TENM2: variants seen among roughly 807,000 people sequenced by gnomAD.
TENM2 encodes the protein teneurin-2.
In TENM2, 52 loss-of-function variants were observed where a neutral mutation model predicts 245.2. The observed-to-expected ratio is 0.21, with a 90% CI of 0.17 to 0.27. The LOEUF is 0.27. Among genes scored for constraint, TENM2 ranks in the 10% least tolerant of loss-of-function variants. The probability of loss-of-function intolerance (pLI) is 1.00; values close to 1 mark genes in which losing one functional copy is unlikely to be tolerated. For missense variants in TENM2, 3,046 were observed against 3,666.8 expected (o/e 0.83, Z 4.37); for synonymous variants, 1,363 against 1,438.9 (o/e 0.95, Z 1.19).
At chr5:167,375,557 G>A in intron 2 of TENM2, 84 bp downstream of exon 4, 3 of 1,384,752 alleles carry the variant, frequency 2.2e-6, no homozygotes, top group Non-Finnish European at 3.0e-6. Flanking sequence ...TTAATGAAGC[G>A]GCGTCATAAA....
intron 9 of TENM2, among the ~76,000 whole-genome samples, chr5:168,110,039 C>CTTTTTT (rs5873091): frequency 8.2e-6 from 1 of 121,896 alleles, no homozygotes; most frequent in East Asian, 2.4e-4. Context: ...AAGAACCCTT[C>CTTTTTT]TTTTTTTTTT....
At chr5:168,200,477 T>C (rs1266371944) in intron 17 of TENM2, among the ~76,000 whole-genome samples, 1 of 152,088 alleles carries the variant, frequency 6.6e-6, no homozygotes, top group Non-Finnish European at 1.5e-5. Context: ...AGGAACCACA[T>C]GAAAATCAGA....
At chr5:167,739,158 T>G (rs1406928870) in intron 2 of TENM2, among the ~76,000 whole-genome samples, 1 of 152,222 alleles carries the variant, frequency 6.6e-6, no homozygotes. Flanking sequence ...AGGGTGGCTT[T>G]GCAGTCTGCA....
chr5:168,124,321 C>A lies in TENM2; in HGVS notation c.2009-529C>A, dbSNP rs562337176. Among the ~76,000 whole-genome samples the A allele has an allele frequency of 3.3e-5, 5 of 152,324 alleles. No individual in the cohort carries two copies. The South Asian group carries it at 1.0e-3, about 32-fold the overall frequency. On this transcript the variant is annotated intron_variant, in intron 10 of 28. Transcript: ENST00000518659. ...TTTAGACTTAGCCTAAGTGAAACCTCATTAGGAAAGTGACTCATAAGTTTC... is the reference window on the plus strand; with the variant it reads ...TTTAGACTTAGCCTAAGTGAAACCTAATTAGGAAAGTGACTCATAAGTTTC...
chr5:168,024,491 A>G (rs1042565316), intron 5 of TENM2, among the ~76,000 whole-genome samples: 1 of 152,220 alleles, frequency 6.6e-6, no homozygotes, highest in Non-Finnish European at 1.5e-5. Context: ...GCAGCAGGTA[A>G]TGTCACAGCA....
At chr5:167,755,207 T>A in intron 2 of TENM2, 1 of 1,591,260 alleles carries the variant, frequency 6.3e-7, no homozygotes, top group African/African-American at 1.3e-5. Context: ...GGATGATGGA[T>A]GTGCATGCAG....
chr5:167,720,509 C>A (rs1561704477), intron 2 of TENM2, among the ~76,000 whole-genome samples: 1 of 152,176 alleles, frequency 6.6e-6, no homozygotes, highest in Non-Finnish European at 1.5e-5. Flanking sequence ...TTAGTAGGCA[C>A]TCTATATTTG....
chr5:167,076,438 T>A, the TENM2 span, among the ~76,000 whole-genome samples: 1 of 152,316 alleles, frequency 6.6e-6, no homozygotes, highest in Admixed American at 6.5e-5. Context: ...TATTTTTCAA[T>A]ATTATTAAAA....
Position 168,247,329 on chromosome 5 carries a change from T to G in TENM2, c.6390T>G (p.Gly2130=). 6.2e-7 allele frequency: 1 copy of G among 1,613,984 alleles called. No individual in the cohort carries two copies. Among genetic ancestry groups the G allele is most frequent in the South Asian group, 1.1e-5 (1 of 91,086 alleles). The stretch of plus-strand genomic sequence containing the variant: ...TTTCTGGCAAGGTGGAACACTTTGG[T>G]AAGTTTGGAGTCATCTATTATGACA... The change falls in exon 27 of 29, where the codon GGT becomes GGG. Residue 2130 remains glycine (G), a synonymous_variant. Coordinates refer to ENST00000518659, the Ensembl canonical transcript of TENM2. The surrounding 1 kb of genome is among the most constrained non-coding windows in gnomAD (Gnocchi z 7.8).
intron 2 of TENM2, among the ~76,000 whole-genome samples, chr5:167,787,269 TC>T (rs2150872990): frequency 6.6e-6 from 1 of 152,340 alleles, no homozygotes; most frequent in South Asian, 2.1e-4. Flanking sequence ...TACTAATTTT[TC>T]TAAAGGCATT....
At chr5:168,128,721 C>T (rs1224043233) in intron 12 of TENM2, 1 of 152,252 alleles carries the variant, frequency 6.6e-6, no homozygotes, top group African/African-American at 2.4e-5. Flanking sequence ...CCTGTTTTTC[C>T]ATGGCTTGCC....
At position 168,062,044 on chromosome 5, in the gene TENM2, C is replaced by CTTT. The variant is rs11411759; in HGVS notation, c.1310-6_1310-4dup. The stretch of plus-strand genomic sequence containing the variant: ...ACACGTCATTGACTGCTGTTTATTC[C>CTTT]TTTTTTTTTTTTCAGTGCCCTGGTC... On this transcript the variant is annotated splice_polypyrimidine_tract_variant and intron_variant, in intron 6 of 28. Transcript: ENST00000518659. 1,348 of 1,479,330 alleles carry CTTT rather than the reference C, an allele frequency of 9.1e-4. No homozygotes were observed. Among genetic ancestry groups the CTTT allele is most frequent in the Middle Eastern group, 1.7e-3 (7 of 4,192 alleles). The allele number at this position is 1,479,330 out of a possible 1,614,324, so 91.6% of individuals were successfully genotyped here. A position where few individuals can be genotyped will look rare whatever the true frequency, so the allele number is the denominator to read the frequency against.
chr5:167,352,405 GATA>G (rs747191547), intron 1 of TENM2, among the ~76,000 whole-genome samples: 3 of 152,194 alleles, frequency 2.0e-5, no homozygotes, highest in Non-Finnish European at 4.4e-5. Flanking sequence ...CAGGTAAGCA[GATA>G]ATTATTAAAA....
rs116699552 is a variant in TENM2, at chr5:167,424,008, G to C, written c.502+48535G>C. 3.0e-3 allele frequency among the ~76,000 whole-genome samples: 450 copies of C among 152,210 alleles called. 3 individuals carry two copies. Among genetic ancestry groups the C allele is most frequent in the African/African-American group, 9.4e-3 (389 of 41,536 alleles). ...TCTCTTTAGTACAAATCCTTTGTGT[G>C]GTTATAAATTGTCAACTGAAACTAT... On this transcript the variant is annotated intron_variant, in intron 2 of 28. Coordinates refer to ENST00000518659, the Ensembl canonical transcript of TENM2.
intron 25 of TENM2, among the ~76,000 whole-genome samples, chr5:168,243,940 T>G (rs1037367985): frequency 1.4e-5 from 2 of 147,466 alleles, no homozygotes; most frequent in South Asian, 2.2e-4. Flanking sequence ...TTCTTTGGTT[T>G]TTTTTTTTTT....
chr5:167,861,486 G>A (rs1397645527), intron 2 of TENM2, among the ~76,000 whole-genome samples: 2 of 152,158 alleles, frequency 1.3e-5, no homozygotes, highest in African/African-American at 4.8e-5. Context: ...GCCTTACATC[G>A]TCACATGCGA....
chr5:167,939,984 G>A (rs904233737), intron 3 of TENM2, among the ~76,000 whole-genome samples: 1 of 152,134 alleles, frequency 6.6e-6, no homozygotes, highest in African/African-American at 2.4e-5. Flanking sequence ...TGTGTGGGAG[G>A]CCTCTGCTCC....
At chr5:167,509,311 C>A (rs1341121542) in intron 2 of TENM2, among the ~76,000 whole-genome samples, 2 of 152,100 alleles carry the variant, frequency 1.3e-5, no homozygotes, top group Non-Finnish European at 2.9e-5. Context: ...GCTGCATTTC[C>A]CCTTGAGTCA....
intron 1 of TENM2, among the ~76,000 whole-genome samples, chr5:167,330,973 C>T (rs1757424753): frequency 6.6e-6 from 1 of 152,038 alleles, no homozygotes; most frequent in Non-Finnish European, 1.5e-5. Flanking sequence ...CGTGGTGGCT[C>T]ATGCCTATAA....
Sources: gnomAD v4.1 joint callset for allele counts (sites outside exome capture counted in the v4.1 genomes callset) on GRCh38, gnomAD v4.1.1 for gene constraint, Gnocchi (gnomAD v3.1) non-coding constraint, MANE v1.5 for transcripts, NCBI Gene and HGNC (gene_info 2026-07-23, HGNC 2026-07-21) for gene names.